KIZ: variants seen among roughly 807,000 people sequenced by gnomAD.
KIZ encodes the protein centrosomal protein kizuna.
In KIZ, 68 loss-of-function variants were observed where a neutral mutation model predicts 79.6. That is an observed-to-expected ratio of 0.85 (90% CI 0.70 to 1.05). The LOEUF (loss-of-function observed/expected upper bound fraction) is 1.05. Ranked by LOEUF, KIZ falls within the 50% of genes least tolerant of loss-of-function variation. KIZ has a pLI of 0.00. For missense variants in KIZ, 797 were observed against 800.4 expected (o/e 1.00, Z 0.05); for synonymous variants, 280 against 281.8 (o/e 0.99, Z 0.06).
intron 6 of KIZ, among the ~76,000 whole-genome samples, chr20:21,171,456 TTTG>T (rs1401381703): frequency 1.3e-5 from 2 of 152,228 alleles, no homozygotes; most frequent in Non-Finnish European, 2.9e-5. Flanking sequence ...ATTTTGTTTG[TTTG>T]TTTGTGACAG....
intron 6 of KIZ, among the ~76,000 whole-genome samples, chr20:21,201,852 C>T (rs1367388174): frequency 1.3e-5 from 2 of 152,170 alleles, no homozygotes; most frequent in Non-Finnish European, 2.9e-5. Flanking sequence ...GAGCCATGGG[C>T]GAAGCTCCAT....
chr20:21,134,384 A>G (rs1055059910), intron 2 of KIZ, among the ~76,000 whole-genome samples: 1 of 152,036 alleles, frequency 6.6e-6, no homozygotes, highest in African/African-American at 2.4e-5. Context: ...TGAGCCGGTG[A>G]CCTTGGGGCA....
intron 6 of KIZ, among the ~76,000 whole-genome samples, chr20:21,188,726 G>T (rs185123385): frequency 1.6e-5 from 2 of 123,700 alleles, no homozygotes; most frequent in East Asian, 5.3e-4. Context: ...TTGAGACGGA[G>T]TCTTGCCCTG....
At chr20:21,233,324 A>T (rs777211128) in intron 11 of KIZ, among the ~76,000 whole-genome samples, 7 of 152,016 alleles carry the variant, frequency 4.6e-5, no homozygotes, top group African/African-American at 7.3e-5. Flanking sequence ...CTTATTTTCC[A>T]TAAAGAACAA....
intron 8 of KIZ, 99 bp from the exon 9 acceptor site, chr20:21,215,483 CA>C (rs61160188): frequency 0.12 from 56,007 of 463,034 alleles, 42 homozygotes; most frequent in South Asian, 0.16. Context: ...ATACATTAAC[CA>C]AAAAAAAAAA....
In KIZ at chr20:21,144,636, A is replaced by ATTAATG. The variant is rs1302235017; in HGVS notation, c.316-926_316-925insATGTTA. On this transcript the variant is annotated intron_variant, in intron 3 of 12. Coordinates refer to ENST00000619189, the MANE Select transcript of KIZ (RefSeq NM_018474.6). ...TGTTACTAAAAATGAGACAGCATAT[A>ATTAATG]TTACCTTTCAAAATATTTTGAGGGA... Among the ~76,000 whole-genome samples, 11 of 152,076 alleles carry ATTAATG rather than the reference A, an allele frequency of 7.2e-5. No individual in the cohort carries two copies. In the East Asian group the frequency reaches 1.9e-3, roughly 27 times the overall value.
intron 4 of KIZ, among the ~76,000 whole-genome samples, chr20:21,146,521 C>A (rs2032856728): frequency 6.6e-6 from 1 of 152,230 alleles, no homozygotes; most frequent in Admixed American, 6.5e-5. Context: ...GAAGAATCAA[C>A]TGCTACTTTA....
intron 6 of KIZ, among the ~76,000 whole-genome samples, chr20:21,169,299 A>C (rs1415142722): frequency 6.6e-6 from 1 of 152,086 alleles, no homozygotes; most frequent in Non-Finnish European, 1.5e-5. Flanking sequence ...AAAAGAAGAC[A>C]TTTATGCAGC....
chr20:21,128,686 G>A (rs1345035842), intron 1 of KIZ, among the ~76,000 whole-genome samples: 1 of 152,242 alleles, frequency 6.6e-6, no homozygotes, highest in Non-Finnish European at 1.5e-5. Context: ...ACTTGTTACA[G>A]TGTGTATAGC....
intron 6 of KIZ, among the ~76,000 whole-genome samples, chr20:21,185,945 G>C (rs754796158): frequency 3.3e-5 from 5 of 152,006 alleles, no homozygotes; most frequent in Non-Finnish European, 5.9e-5. Flanking sequence ...CTCAAAATTG[G>C]TTTACTAAAA....
chr20:21,166,590 G>A lies in KIZ; in HGVS notation c.1352+3431G>A, dbSNP rs191459652. 9.7e-5 allele frequency: 130 copies of A among 1,334,334 alleles called. No individual in the cohort carries two copies. In the African/African-American group the frequency reaches 1.6e-3, roughly 16 times the overall value. The allele number at this position is 1,334,334 out of a possible 1,614,324, so 82.7% of individuals were successfully genotyped here. ...AGAGCATCTGCCAGGACATTCATGC[G>A]CACCATTGTGGCGGTGCGGAAAGAG... is the stretch of plus-strand genomic sequence containing the variant. On this transcript the variant is annotated intron_variant, in intron 6 of 12. Transcript: ENST00000619189.
rs147477842 is a variant in KIZ at position 21,229,055 on chromosome 20, A to G, written c.1723A>G (p.Asn575Asp). The change falls in exon 10 of 13, where the codon AAT becomes GAT. Residue 575 changes from asparagine to aspartate, a missense_variant. Asn to Asp is a conservative substitution (Grantham distance 23, BLOSUM62 1). Transcript: ENST00000619189. ...QLLKKATLQD[N>D]TNQTENRFQK... ...GCTGAAGAAGGCCACCCTTCAGGATAATACAAATCAAACTGAAAACAGGTT... is the reference window on the plus strand; with the variant it reads ...GCTGAAGAAGGCCACCCTTCAGGATGATACAAATCAAACTGAAAACAGGTT... 5.6e-5 allele frequency: 91 copies of G among 1,612,532 alleles called. No homozygotes were observed. The East Asian group carries it at 1.9e-3, about 34-fold the overall frequency.
intron 9 of KIZ, among the ~76,000 whole-genome samples, chr20:21,222,131 CA>C (rs2036521382): frequency 6.6e-6 from 1 of 152,236 alleles, no homozygotes; most frequent in Non-Finnish European, 1.5e-5. Context: ...GGTAGCAAAA[CA>C]GTCCTCATTA....
intron 6 of KIZ, among the ~76,000 whole-genome samples, chr20:21,185,772 C>T (rs182972868): frequency 1.4e-4 from 21 of 150,608 alleles, no homozygotes; most frequent in African/African-American, 3.4e-4. Context: ...AGTGCAGTGA[C>T]GCCATCCTGG....
Position 21,162,351 on chromosome 20 carries a change from TC to T in KIZ, c.888del (p.Ser297AlafsTer8). ...AACCACTGATTTAAAGTGTGACAGT[TC>T]CAGCGGATCAGAGGGAGAAATACTG... ...NRTTDLKCDS[S>X]SGSEGEILTR... is the part of the protein sequence containing the mutation. On this transcript the variant is annotated frameshift_variant, in exon 5 of 13. Transcript: ENST00000619189. LOFTEE classifies it high-confidence loss of function. The T allele has an allele frequency of 5.0e-6, 8 of 1,613,904 alleles. No individual in the cohort carries two copies. The South Asian group carries it at 8.8e-5, about 18-fold the overall frequency.
At chr20:21,180,502 T>C (rs1008311388) in intron 6 of KIZ, among the ~76,000 whole-genome samples, 8 of 152,030 alleles carry the variant, frequency 5.3e-5, no homozygotes, top group African/African-American at 1.7e-4. Context: ...TCAGCCTCTG[T>C]TGGGAAGGGA....
At chr20:21,184,042 A>G (rs2122948371) in intron 6 of KIZ, among the ~76,000 whole-genome samples, 1 of 151,700 alleles carries the variant, frequency 6.6e-6, no homozygotes, top group East Asian at 2.0e-4. Context: ...CTCAAGCTGT[A>G]TGGGTTAGGA....
intron 9 of KIZ, among the ~76,000 whole-genome samples, chr20:21,227,867 T>C (rs1395961126): frequency 6.6e-6 from 1 of 152,242 alleles, no homozygotes; most frequent in Non-Finnish European, 1.5e-5. Flanking sequence ...TTCAGCGACC[T>C]AAACTGATTT....
intron 6 of KIZ, among the ~76,000 whole-genome samples, chr20:21,180,650 A>G (rs755714212): frequency 5.3e-5 from 8 of 152,194 alleles, no homozygotes; most frequent in Non-Finnish European, 1.0e-4. Flanking sequence ...AGACTCTGAG[A>G]GTCAAGCCCT....
Sources: gnomAD v4.1 joint callset for allele counts (sites outside exome capture counted in the v4.1 genomes callset) on GRCh38, gnomAD v4.1.1 for gene constraint, MANE v1.5 for transcripts, NCBI Gene and HGNC (gene_info 2026-07-23, HGNC 2026-07-21) for gene names.